DLGAP2: variants seen among roughly 807,000 people sequenced by gnomAD.
DLGAP2 encodes disks large-associated protein 2.
In DLGAP2, 26 loss-of-function variants were observed where a neutral mutation model predicts 100.3. That is an observed-to-expected ratio of 0.26 (90% CI 0.19 to 0.36). DLGAP2 has a LOEUF of 0.36. Ranked by LOEUF, DLGAP2 falls within the 10% of genes least tolerant of loss-of-function variation. DLGAP2 has a pLI of 1.00. For missense variants in DLGAP2, 1,858 were observed against 1,453.2 expected (o/e 1.28, Z -4.53); for synonymous variants, 886 against 630.1 (o/e 1.41, Z -6.08).
chr8:1,180,296 C>T (rs1415060739), intron 2 of DLGAP2, among the ~76,000 whole-genome samples: 1 of 152,226 alleles, frequency 6.6e-6, no homozygotes. Flanking sequence ...AACTCTTCCA[C>T]ACTGCAGAGC....
intron 2 of DLGAP2, among the ~76,000 whole-genome samples, chr8:1,142,659 C>T (rs1339659618): frequency 6.6e-6 from 1 of 152,118 alleles, no homozygotes; most frequent in African/African-American, 2.4e-5. Context: ...GAAGTGGTAA[C>T]AGCTGTTCCG....
At chr8:1,699,449 C>CAAA (rs35226030) in intron 14 of DLGAP2, among the ~76,000 whole-genome samples, 10 of 128,634 alleles carry the variant, frequency 7.8e-5, no homozygotes, top group South Asian at 4.9e-4. Flanking sequence ...ATTAAAAATA[C>CAAA]AAAAAAAAAA....
At chr8:1,655,606 G>T (rs1390479567) in intron 8 of DLGAP2, among the ~76,000 whole-genome samples, 1 of 96,732 alleles carries the variant, frequency 1.0e-5, no homozygotes, top group Non-Finnish European at 2.3e-5. Flanking sequence ...AATTAAACAT[G>T]TGTTTAAAGC....
rs13250345 is a variant in DLGAP2, at chr8:1,449,834, T to G, written c.107-51532T>G. Among the ~76,000 whole-genome samples, 77 of 76,102 alleles carry G rather than the reference T, an allele frequency of 1.0e-3. 15 individuals carry two copies. Among genetic ancestry groups the G allele is most frequent in the Middle Eastern group, 7.7e-3 (1 of 130 alleles). 49.9% of individuals were successfully genotyped at this position (76,102 alleles called of 152,430 possible). Reference sequence around the variant, plus strand: ...ACGAGGTGGGCGGCCTCGGTGGCTGTGACTGTAGCGGAGCTGTGAGGGTGA... The same window carrying G: ...ACGAGGTGGGCGGCCTCGGTGGCTGGGACTGTAGCGGAGCTGTGAGGGTGA... On this transcript the variant is annotated intron_variant, in intron 3 of 14. Coordinates refer to ENST00000637795, the MANE Select transcript of DLGAP2 (RefSeq NM_001346810.2).
rs1797527285 is a variant in DLGAP2, at chr8:867,848, G to C, written c.19-40064G>C. On this transcript the variant is annotated intron_variant, in intron 1 of 14. Coordinates refer to ENST00000637795, the MANE Select transcript of DLGAP2 (RefSeq NM_001346810.2). ...GATGTGAGCTGAGCATTATTTAAGC[G>C]GTGTGTTTAGTTTTCCACGTAACGC... Among the ~76,000 whole-genome samples the C allele has an allele frequency of 2.0e-5, 3 of 152,236 alleles. No individual in the cohort carries two copies. The South Asian group carries it at 6.2e-4, about 32-fold the overall frequency.
intron 2 of DLGAP2, among the ~76,000 whole-genome samples, chr8:1,253,373 C>G (rs935887673): frequency 1.3e-5 from 2 of 152,218 alleles, no homozygotes; most frequent in African/African-American, 4.8e-5. Flanking sequence ...GGGTTGGTGT[C>G]AGGAGGGAGG....
rs900773407 is a variant in DLGAP2 at position 1,435,244 on chromosome 8, G to C, written c.107-66122G>C. On this transcript the variant is annotated intron_variant, in intron 3 of 14. Coordinates refer to ENST00000637795, the MANE Select transcript of DLGAP2 (RefSeq NM_001346810.2). ...AGATTTTGGGGTGGTAGTGGAATGA[G>C]GGCAACAAAGCCTTTTTGTAAGAAT... Among the ~76,000 whole-genome samples, 11 of 152,298 alleles carry C rather than the reference G, an allele frequency of 7.2e-5. No individual in the cohort carries two copies. The East Asian group carries it at 2.1e-3, about 29-fold the overall frequency.
intron 2 of DLGAP2, among the ~76,000 whole-genome samples, chr8:1,082,796 G>A (rs2048117941): frequency 6.6e-6 from 1 of 152,182 alleles, no homozygotes; most frequent in Admixed American, 6.5e-5. Flanking sequence ...AGAATCAGTG[G>A]TGACTAATTT....
At chr8:1,309,159 A>G in intron 3 of DLGAP2, among the ~76,000 whole-genome samples, 1 of 152,188 alleles carries the variant, frequency 6.6e-6, no homozygotes, top group Admixed American at 6.5e-5. Flanking sequence ...GAAAAGGGAA[A>G]AGAGAACGAA....
intron 3 of DLGAP2, among the ~76,000 whole-genome samples, chr8:1,318,997 C>T (rs1332639732): frequency 6.6e-6 from 1 of 152,028 alleles, no homozygotes; most frequent in Non-Finnish European, 1.5e-5. Flanking sequence ...ATGGGGCTTT[C>T]AGGAGATTTA....
At chr8:1,481,067 G>C (rs1038951934) in intron 3 of DLGAP2, among the ~76,000 whole-genome samples, 8 of 152,234 alleles carry the variant, frequency 5.3e-5, no homozygotes, top group African/African-American at 1.7e-4. Context: ...AGCTACTTGG[G>C]AGGCTGAGGC....
intron 2 of DLGAP2, among the ~76,000 whole-genome samples, chr8:947,972 GC>G (rs1799372169): frequency 6.9e-6 from 1 of 145,434 alleles, no homozygotes. Context: ...GTGCGCCATG[GC>G]TTCCCTGATC....
intron 2 of DLGAP2, among the ~76,000 whole-genome samples, chr8:1,167,048 A>C (rs73184509): frequency 0.19 from 28,465 of 151,972 alleles, 2,860 homozygotes; most frequent in Middle Eastern, 0.34. Flanking sequence ...AGGTGGGAGG[A>C]TCGCTTGAGC....
intron 1 of DLGAP2, among the ~76,000 whole-genome samples, chr8:796,312 G>C (rs1050142939): frequency 6.6e-6 from 1 of 152,148 alleles, no homozygotes; most frequent in Non-Finnish European, 1.5e-5. Flanking sequence ...CTCTGAGCTT[G>C]TCATCTGGCC....
intron 4 of DLGAP2, among the ~76,000 whole-genome samples, chr8:1,508,249 G>A (rs1329695031): frequency 7.1e-6 from 1 of 140,428 alleles, no homozygotes; most frequent in Admixed American, 7.4e-5. Context: ...CTGAAGGGCG[G>A]TGCCTGCTCC....
At chr8:876,500 A>G (rs1486484202) in intron 1 of DLGAP2, among the ~76,000 whole-genome samples, 1 of 152,164 alleles carries the variant, frequency 6.6e-6, no homozygotes, top group Non-Finnish European at 1.5e-5. Flanking sequence ...GAAGTCAACT[A>G]TTAATCAGAT....
intron 3 of DLGAP2, among the ~76,000 whole-genome samples, chr8:1,334,359 C>T (rs1053142950): frequency 6.6e-5 from 10 of 152,162 alleles, no homozygotes; most frequent in Admixed American, 6.5e-5. Context: ...CCACCTGTCA[C>T]CAACCCAAAA....
chr8:846,910 A>G (rs960651695), intron 1 of DLGAP2, among the ~76,000 whole-genome samples: 6 of 152,154 alleles, frequency 3.9e-5, no homozygotes, highest in African/African-American at 1.2e-4. Context: ...GGGTTATTCT[A>G]TCCATCTTCA....
At chr8:1,361,527 A>G (rs900096501) in intron 3 of DLGAP2, among the ~76,000 whole-genome samples, 1 of 152,226 alleles carries the variant, frequency 6.6e-6, no homozygotes, top group Non-Finnish European at 1.5e-5. Flanking sequence ...GAATTGCATA[A>G]ACATTTCTTC....
Sources: allele counts gnomAD v4.1 joint callset (sites outside exome capture counted in the v4.1 genomes callset), GRCh38; gene constraint gnomAD v4.1.1; transcripts MANE v1.5; gene names NCBI Gene and HGNC (gene_info 2026-07-23, HGNC 2026-07-21).